Variants in RHBDD1 observed in about 807,000 individuals in gnomAD.
The protein encoded by RHBDD1 is rhomboid-related protein 4.
In RHBDD1, 38 loss-of-function variants were observed where a neutral mutation model predicts 36.3. The observed-to-expected ratio is 1.05, with a 90% confidence interval of 0.81 to 1.37. The LOEUF (loss-of-function observed/expected upper bound fraction) is 1.37. RHBDD1 is among the 40% of genes most tolerant of loss of function. The probability of loss-of-function intolerance (pLI) is 0.00; values close to 1 mark genes in which losing one functional copy is unlikely to be tolerated. For missense variants in RHBDD1, 393 were observed against 377.6 expected, an observed-to-expected ratio of 1.04 and a Z score of -0.34; for synonymous variants, 151 against 136.5, an observed-to-expected ratio of 1.11 and a Z score of -0.74.
the RHBDD1 span, among the ~76,000 whole-genome samples, chr2:226,818,863 AAAAAAAC>A: frequency 1.3e-5 from 2 of 151,932 alleles, no homozygotes; most frequent in African/African-American, 2.4e-5. Context: ...AAACAAAAAC[AAAAAAAC>A]AAAAAACAGA....
intron 8 of RHBDD1, among the ~76,000 whole-genome samples, chr2:226,945,145 GATTATTATT>G (rs60027437): frequency 5.5e-5 from 8 of 144,818 alleles, no homozygotes; most frequent in South Asian, 2.3e-4. Context: ...GATCAAATCT[GATTATTATT>G]ATTATTATTA....
the RHBDD1 span, among the ~76,000 whole-genome samples, chr2:226,814,885 G>A: frequency 1.3e-5 from 2 of 152,196 alleles, no homozygotes; most frequent in African/African-American, 4.8e-5. Flanking sequence ...TGGTGATGCA[G>A]GTGGCCAAGA....
intron 5 of RHBDD1, among the ~76,000 whole-genome samples, chr2:226,874,211 G>A (rs905356981): frequency 6.6e-6 from 1 of 152,124 alleles, no homozygotes; most frequent in Non-Finnish European, 1.5e-5. Context: ...GGGACACAGA[G>A]CCAAATCATA....
intron 3 of RHBDD1, among the ~76,000 whole-genome samples, chr2:226,863,023 A>G (rs1373872040): frequency 6.6e-6 from 1 of 152,238 alleles, no homozygotes; most frequent in African/African-American, 2.4e-5. Flanking sequence ...AACACCTCCC[A>G]TTAGGCTCTA....
chr2:226,967,046 G>A (rs943436426), intron 8 of RHBDD1, among the ~76,000 whole-genome samples: 4 of 152,142 alleles, frequency 2.6e-5, no homozygotes, highest in African/African-American at 9.7e-5. Context: ...CTGGGATGAG[G>A]TCTGAGAATT....
At chr2:226,830,724 A>C (rs1940720307), upstream of RHBDD1, among the ~76,000 whole-genome samples, 1 of 152,128 alleles carries the variant, frequency 6.6e-6, no homozygotes, top group Admixed American at 6.5e-5. Context: ...CTTAGGCTGG[A>C]CTGCAGTGGC....
At chr2:226,922,933 CT>C (rs1483474333) in intron 8 of RHBDD1, among the ~76,000 whole-genome samples, 2 of 152,206 alleles carry the variant, frequency 1.3e-5, no homozygotes, top group Admixed American at 6.5e-5. Flanking sequence ...CTTTGTCCCC[CT>C]GGTTTTTAGC....
intron 5 of RHBDD1, among the ~76,000 whole-genome samples, chr2:226,875,821 A>G (rs1278703324): frequency 1.3e-5 from 2 of 152,196 alleles, no homozygotes; most frequent in Non-Finnish European, 2.9e-5. Context: ...TCTTTTGACC[A>G]CTAGTTCCTT....
chr2:226,865,056 C>T lies in RHBDD1; in HGVS notation c.363C>T (p.Leu121=). 1 of 1,614,194 alleles carries T rather than the reference C, an allele frequency of 6.2e-7. No homozygotes were observed. The highest frequency in any genetic ancestry group is 8.5e-7 in the Non-Finnish European group (1 of 1,180,036). ...FSVLTGVVYL[L]LQFAVAEFMD... is the part of the protein sequence containing the mutation. ...TACTTACTGGAGTGGTATACCTGCT[C>T]TTGCAATTTGCTGTTGCCGAATTTA... is the stretch of plus-strand genomic sequence containing the variant. The change falls in exon 4 of 9, where the codon CTC becomes CTT. Residue 121 remains leucine, a synonymous_variant. Transcript: ENST00000392062.
Position 226,945,227 on chromosome 2 carries a change from G to A in RHBDD1, c.856+30876G>A, listed in dbSNP as rs367969487. Reference sequence around the variant, plus strand: ...CAGAATGTGCAGGTTTGTTACATAGGTATACATGTGCCATGGTGCTTTGCT... The same window carrying A: ...CAGAATGTGCAGGTTTGTTACATAGATATACATGTGCCATGGTGCTTTGCT... On this transcript the variant is annotated intron_variant, in intron 8 of 8. Coordinates refer to ENST00000392062, the MANE Select transcript of RHBDD1 (RefSeq NM_001167608.3). 4.0e-5 allele frequency among the ~76,000 whole-genome samples: 6 copies of A among 151,344 alleles called. No individual in the cohort carries two copies. The East Asian group carries it at 7.7e-4, about 20-fold the overall frequency.
chr2:226,904,420 G>GGGA, intron 5 of RHBDD1, among the ~76,000 whole-genome samples: 1 of 149,078 alleles, frequency 6.7e-6, no homozygotes, highest in East Asian at 2.0e-4. Flanking sequence ...CAAGCGGGGG[G>GGGA]GGAGGGGGGT....
intron 5 of RHBDD1, among the ~76,000 whole-genome samples, chr2:226,900,772 G>T (rs2396431): frequency 4.6e-5 from 7 of 151,876 alleles, no homozygotes; most frequent in Non-Finnish European, 1.0e-4. Context: ...TGTTTAAGGT[G>T]TATAATGTGA....
chr2:226,951,744 T>C (rs1364473118), intron 8 of RHBDD1, among the ~76,000 whole-genome samples: 1 of 152,210 alleles, frequency 6.6e-6, no homozygotes, highest in Non-Finnish European at 1.5e-5. Flanking sequence ...GAGTGAACTT[T>C]TATGTAAGAT....
intron 5 of RHBDD1, among the ~76,000 whole-genome samples, chr2:226,890,974 CT>C (rs1270997133): frequency 3.9e-5 from 6 of 152,116 alleles, no homozygotes; most frequent in African/African-American, 1.4e-4. Flanking sequence ...CTGTTTCTCC[CT>C]CCTGGCTCTA....
chr2:226,846,438 GT>G (rs1341875587), intron 3 of RHBDD1, among the ~76,000 whole-genome samples: 6 of 152,104 alleles, frequency 3.9e-5, no homozygotes, highest in Non-Finnish European at 7.4e-5. Context: ...GCTTTTGTAG[GT>G]TTGATTAAAG....
At chr2:226,830,475 C>T in the RHBDD1 span, among the ~76,000 whole-genome samples, 1 of 152,174 alleles carries the variant, frequency 6.6e-6, no homozygotes, top group Non-Finnish European at 1.5e-5. Context: ...TTTTTGTCCT[C>T]TAGCTTATTA....
chr2:226,885,930 A>T (rs1946166741), intron 5 of RHBDD1, among the ~76,000 whole-genome samples: 1 of 152,182 alleles, frequency 6.6e-6, no homozygotes, highest in Non-Finnish European at 1.5e-5. Context: ...TAGTGTATGC[A>T]GCATGGATCC....
At chr2:226,976,782 G>T (rs1419866501) in intron 8 of RHBDD1, among the ~76,000 whole-genome samples, 1 of 152,192 alleles carries the variant, frequency 6.6e-6, no homozygotes, top group Admixed American at 6.5e-5. Flanking sequence ...TAGGTGTCTG[G>T]AGTGAGGCCT....
chr2:226,909,380 T>TA (rs1340060196), intron 7 of RHBDD1, among the ~76,000 whole-genome samples: 2 of 152,212 alleles, frequency 1.3e-5, no homozygotes, highest in Admixed American at 6.5e-5. Context: ...GACTTCCTGT[T>TA]AAAAGCGTAA....
Sources: gnomAD v4.1 joint callset for allele counts (sites outside exome capture counted in the v4.1 genomes callset) on GRCh38, gnomAD v4.1.1 for gene constraint, MANE v1.5 for transcripts, NCBI Gene and HGNC (gene_info 2026-07-23, HGNC 2026-07-21) for gene names.